The following KCNN2 variants were observed in gnomAD, a reference collection of about 807,000 sequenced individuals.
KCNN2 encodes small conductance calcium-activated potassium channel protein 2.
KCNN2 carries 24 observed loss-of-function variants against 55.5 expected under a neutral mutation model. The ratio of observed to expected loss-of-function variants is 0.43; its 90% CI spans 0.31 to 0.61. KCNN2 has a LOEUF of 0.61. Among genes scored for constraint, KCNN2 ranks in the 20% least tolerant of loss-of-function variants. The pLI, the probability that KCNN2 is intolerant of heterozygous loss-of-function variation, is 0.08. For missense variants in KCNN2, 754 were observed against 853.6 expected (o/e 0.88, Z 1.45); for synonymous variants, 431 against 336.1 (o/e 1.28, Z -3.09).
At position 114,105,729 on chromosome 5, in the gene KCNN2, G is replaced by A. The variant is rs911822762; in HGVS notation, c.-271+49229G>A. 5.5e-4 allele frequency among the ~76,000 whole-genome samples: 83 copies of A among 150,664 alleles called. 1 individual carries two copies. Among genetic ancestry groups the A allele is most frequent in the Admixed American group, 5.3e-3 (81 of 15,216 alleles). On this transcript the variant is annotated intron_variant, in intron 1 of 10. Transcript: ENST00000512097. ...TTTTATTAGGTTCATGAAATTTTCA[G>A]GAATTAAAGTTAGTCCTGAGGAAAG...
chr5:114,205,674 T>G (rs547912704), intron 1 of KCNN2, among the ~76,000 whole-genome samples: 1 of 152,300 alleles, frequency 6.6e-6, no homozygotes, highest in South Asian at 2.1e-4. Flanking sequence ...AAATGGGCCT[T>G]CGGGAGCTTA....
At chr5:114,402,203 T>C (rs1361087899) in intron 2 of KCNN2, among the ~76,000 whole-genome samples, 1 of 152,148 alleles carries the variant, frequency 6.6e-6, no homozygotes, top group African/African-American at 2.4e-5. Flanking sequence ...AAGAGATCCT[T>C]CTTAGGGAAG....
At chr5:114,099,925 A>G (rs927877227) in intron 1 of KCNN2, among the ~76,000 whole-genome samples, 1 of 151,934 alleles carries the variant, frequency 6.6e-6, no homozygotes, top group African/African-American at 2.4e-5. Flanking sequence ...TTATTCAAGT[A>G]AGTCTTTTGT....
At chr5:114,259,716 C>T (rs776612218) in intron 2 of KCNN2, among the ~76,000 whole-genome samples, 3 of 152,054 alleles carry the variant, frequency 2.0e-5, no homozygotes, top group Non-Finnish European at 4.4e-5. Context: ...TGAGGGGAGC[C>T]GAAACACTCC....
intron 2 of KCNN2, among the ~76,000 whole-genome samples, chr5:114,296,074 T>G (rs950145268): frequency 1.3e-5 from 2 of 152,208 alleles, no homozygotes; most frequent in African/African-American, 4.8e-5. Flanking sequence ...CTCATAGATA[T>G]ACTGTACTCT....
At chr5:114,302,319 A>G (rs576033964) in intron 2 of KCNN2, among the ~76,000 whole-genome samples, 108 of 152,330 alleles carry the variant, frequency 7.1e-4, no homozygotes, top group Non-Finnish European at 1.1e-3. Flanking sequence ...GCACAATACA[A>G]TGAACATTTA....
At chr5:114,357,467 AGT>A (rs1161022183), upstream of KCNN2, among the ~76,000 whole-genome samples, 1 of 112,744 alleles carries the variant, frequency 8.9e-6, no homozygotes, top group Non-Finnish European at 1.8e-5. Flanking sequence ...ACCCCACAAC[AGT>A]CCCCAGAGTG....
rs1397755315 is a variant in KCNN2 at position 114,362,965 on chromosome 5, C to T, written c.826C>T (p.Pro276Ser). Residue 276 changes from proline (P) to serine (S), a missense_variant, in exon 1 of 8, where the codon CCC becomes TCC. This residue lies in a region of KCNN2 where 381 missense variants were observed against 259.1 expected (regional missense o/e 1.47). Coordinates refer to ENST00000673685, the MANE Select transcript of KCNN2 (RefSeq NM_021614.4). Reference sequence around the variant, plus strand: ...CGCCGCCGCTGTTTCGTCCTCAGCCCCCGAGATCGTGGTGTCTAAGCCCGA... The same window carrying T: ...CGCCGCCGCTGTTTCGTCCTCAGCCTCCGAGATCGTGGTGTCTAAGCCCGA... ...AAAAAVSSSA[P>S]EIVVSKPEHN... is the part of the protein sequence containing the mutation. 4 of 1,588,906 alleles carry T rather than the reference C, an allele frequency of 2.5e-6. No individual in the cohort carries two copies. Among genetic ancestry groups the T allele is most frequent in the Middle Eastern group, 1.7e-4 (1 of 6,036 alleles).
At chr5:114,304,270 A>G (rs1756224428) in intron 2 of KCNN2, among the ~76,000 whole-genome samples, 1 of 152,142 alleles carries the variant, frequency 6.6e-6, no homozygotes, top group Non-Finnish European at 1.5e-5. Context: ...AGTTTTTACG[A>G]GGCCATAGTT....
chr5:114,271,647 C>G (rs1164986675), intron 2 of KCNN2, among the ~76,000 whole-genome samples: 1 of 152,142 alleles, frequency 6.6e-6, no homozygotes, highest in Admixed American at 6.6e-5. Flanking sequence ...TTCTTCTTTT[C>G]ATTTCAACAG....
At chr5:114,372,485 C>T (rs1757791671) in intron 2 of KCNN2, among the ~76,000 whole-genome samples, 1 of 152,100 alleles carries the variant, frequency 6.6e-6, no homozygotes, top group Non-Finnish European at 1.5e-5. Context: ...ATCTTTCAGT[C>T]TATTAGTGAT....
At chr5:114,166,595 G>A (rs1030704575) in intron 1 of KCNN2, among the ~76,000 whole-genome samples, 6 of 152,128 alleles carry the variant, frequency 3.9e-5, no homozygotes, top group Admixed American at 3.3e-4. Context: ...GTCATAAAAG[G>A]TGGTACGGTT....
rs139229974 is a variant in KCNN2 at position 114,179,368 on chromosome 5, A to C, written c.-270-42112A>C. On this transcript the variant is annotated intron_variant, in intron 1 of 10. Transcript: ENST00000512097. ...CATGTGCTTCTCCGTAGGGCTGATC[A>C]CAGCCTGGGAGCTTGCTTTCCCCAG... is the stretch of plus-strand genomic sequence containing the variant. Among the ~76,000 whole-genome samples the C allele has an allele frequency of 1.5e-3, 233 of 152,320 alleles. 1 individual carries two copies. Among genetic ancestry groups the C allele is most frequent in the Admixed American group, 5.6e-3 (86 of 15,308 alleles).
At position 114,338,561 on chromosome 5, in the gene KCNN2, A is replaced by G. The variant is rs978885877; in HGVS notation, c.-184-22384A>G. Among the ~76,000 whole-genome samples, 5 of 152,206 alleles carry G rather than the reference A, an allele frequency of 3.3e-5. No homozygotes were observed. The East Asian group carries it at 9.6e-4, about 29-fold the overall frequency. Reference sequence around the variant, plus strand: ...ATATCAAGAAAATGGATAGATCAATATATAAATTCAGGTCTTCCTTCCTAC... The same window carrying G: ...ATATCAAGAAAATGGATAGATCAATGTATAAATTCAGGTCTTCCTTCCTAC... On this transcript the variant is annotated intron_variant, in intron 2 of 10. Transcript: ENST00000512097.
chr5:114,348,190 G>T (rs187417892), intron 2 of KCNN2, among the ~76,000 whole-genome samples: 14 of 149,074 alleles, frequency 9.4e-5, no homozygotes, highest in Admixed American at 2.7e-4. Flanking sequence ...TCATGATGCT[G>T]TATGTATATG....
intron 1 of KCNN2, among the ~76,000 whole-genome samples, chr5:114,120,388 G>C (rs1007064738): frequency 6.6e-6 from 1 of 152,146 alleles, no homozygotes; most frequent in African/African-American, 2.4e-5. Context: ...CAGCGCTGAG[G>C]ATCTTATTTC....
At chr5:114,326,269 C>T (rs11241275) in intron 2 of KCNN2, among the ~76,000 whole-genome samples, 3,396 of 152,156 alleles carry the variant, frequency 0.022, 116 homozygotes, top group African/African-American at 0.079. Context: ...TACATTTTCA[C>T]AGAGGCCACG....
Position 114,362,884 on chromosome 5 carries a change from C to G in KCNN2, c.745C>G (p.Pro249Ala), listed in dbSNP as rs200185763. 1 of 1,598,300 alleles carries G rather than the reference C, an allele frequency of 6.3e-7. No homozygotes were observed. Residue 249 changes from proline (P) to alanine (A), a missense_variant, in exon 1 of 8, where the codon CCC (proline) becomes GCC (alanine). By Grantham distance (27) the Pro-to-Ala change is conservative (BLOSUM62 -1). This residue lies in a region of KCNN2 where 381 missense variants were observed against 259.1 expected (regional missense o/e 1.47). Transcript: ENST00000673685. Reference protein sequence around the residue: ...MDSEAQPLQPPASVGGGGGAS... With the variant: ...MDSEAQPLQPAASVGGGGGAS... ...CTCAGAGGCGCAGCCCCTGCAGCCC[C>G]CCGCGTCTGTCGGAGGAGGTGGCGG...
At chr5:114,335,290 C>T (rs1279613851) in intron 2 of KCNN2, among the ~76,000 whole-genome samples, 2 of 152,100 alleles carry the variant, frequency 1.3e-5, no homozygotes, top group Non-Finnish European at 2.9e-5. Flanking sequence ...GATTCCAGTT[C>T]CCCTTATGTG....
Sources: allele counts gnomAD v4.1 joint callset (sites outside exome capture counted in the v4.1 genomes callset), GRCh38; gene constraint gnomAD v4.1.1; regional missense constraint gnomAD v4.1.1; transcripts MANE v1.5; gene names NCBI Gene and HGNC (gene_info 2026-07-23, HGNC 2026-07-21).